Variants in NME4 observed in about 807,000 individuals in gnomAD.
NME4 encodes the protein nucleoside diphosphate kinase D, mitochondrial.
A neutral mutation model predicts 16.4 loss-of-function variants in NME4; 21 were observed. The ratio of observed to expected loss-of-function variants is 1.28; its 90% CI spans 0.91 to 1.84. The LOEUF (loss-of-function observed/expected upper bound fraction) is 1.84. Among genes scored for constraint, NME4 ranks in the 40% most tolerant of loss-of-function variants. The pLI is 0.00. For missense variants in NME4, 316 were observed against 261.3 expected (o/e 1.21, Z -1.44); for synonymous variants, 132 against 107.5 (o/e 1.23, Z -1.41).
At position 397,348 on chromosome 16, in the gene NME4, A is replaced by C. The variant is rs7189866; in HGVS notation, c.91+35A>C. On this transcript the variant is annotated intron_variant, in intron 1 of 4. Coordinates refer to ENST00000219479, the MANE Select transcript of NME4 (RefSeq NM_005009.3). ...GCCGCGCGCCCCGGCGGGGACGCGG[A>C]GGGGAGGAAGGGGCGCGCGCCGCTC... 33 of 884,596 alleles carry C rather than the reference A, an allele frequency of 3.7e-5. No individual in the cohort carries two copies. The South Asian group carries it at 4.3e-4, about 11-fold the overall frequency. 54.8% of individuals were successfully genotyped at this position (884,596 alleles called of 1,614,324 possible).
chr16:400,448 C>G lies in NME4; in HGVS notation c.*106C>G. 7.1e-7 allele frequency: 1 copy of G among 1,407,596 alleles called. No individual in the cohort carries two copies. Among genetic ancestry groups the G allele is most frequent in the South Asian group, 1.4e-5 (1 of 71,956 alleles). The allele number at this position is 1,407,596 out of a possible 1,614,324, so 87.2% of individuals were successfully genotyped here. The stretch of plus-strand genomic sequence containing the variant: ...CCTGCCTGTCCCAAACCACTTACTT[C>G]CCTGTTCACCTCTGCCCCACCCCAG... On this transcript the variant is annotated 3_prime_UTR_variant, in exon 5 of 5. Transcript: ENST00000219479.
intron 1 of NME4, chr16:398,524 T>C (rs913624266): frequency 1.1e-4 from 81 of 723,260 alleles, no homozygotes; most frequent in Admixed American, 9.3e-4. Flanking sequence ...GAGTCAAAAG[T>C]GAGGCTGGAG....
Position 399,214 on chromosome 16 carries a change from G to T in NME4, c.225+91G>T, listed in dbSNP as rs1017536358. 10 of 1,555,502 alleles carry T rather than the reference G, an allele frequency of 6.4e-6. No homozygotes were observed. The African/African-American group carries it at 1.4e-4, about 21-fold the overall frequency. ...TCACATCCCAGCCAGCGCCGGGGCA[G>T]GGCCTGGCTTTGGCAGTTGAAGGGG... On this transcript the variant is annotated intron_variant, in intron 2 of 4. Coordinates refer to ENST00000219479, the MANE Select transcript of NME4 (RefSeq NM_005009.3).
At chr16:398,837 G>T in intron 1 of NME4, 153 bp from the exon 2 acceptor site, 1 of 993,912 alleles carries the variant, frequency 1.0e-6, no homozygotes, top group Non-Finnish European at 1.5e-6. Context: ...GGGTGTTTGT[G>T]GCTGTGGGCA....
chr16:400,359 AC>A lies in NME4; in HGVS notation c.*19del. The A allele has an allele frequency of 6.3e-7, 1 of 1,594,678 alleles. No homozygotes were observed. Among genetic ancestry groups the A allele is most frequent in the African/African-American group, 1.3e-5 (1 of 74,148 alleles). On this transcript the variant is annotated 3_prime_UTR_variant, in exon 5 of 5. Coordinates refer to ENST00000219479, the MANE Select transcript of NME4 (RefSeq NM_005009.3). ...CCAGCCTGAGGCTCAAGCTGCCCTT[AC>A]CACCCCATCCCCCACGCAGGACCAA...
intron 1 of NME4, chr16:398,418 C>G (rs2054593561): frequency 8.2e-7 from 1 of 1,212,708 alleles, no homozygotes; most frequent in South Asian, 1.4e-5. Context: ...TGGTTCCCTG[C>G]CACTCATTCA....
chr16:399,309 G>C (rs771415110), intron 2 of NME4, 70 bp from the exon 3 acceptor site: 3 of 1,495,806 alleles, frequency 2.0e-6, no homozygotes, highest in Non-Finnish European at 2.8e-6. Context: ...CTGAGGTCAG[G>C]GCATCACAGC....
At chr16:397,377 C>A in intron 1 of NME4, 64 bp downstream of exon 1, 3 of 634,832 alleles carry the variant, frequency 4.7e-6, no homozygotes, top group Non-Finnish European at 6.0e-6. Context: ...GCCGCTCGGC[C>A]TTTGTGCGCG....
chr16:399,192 C>T, intron 2 of NME4, 69 bp downstream of exon 2: 1 of 1,588,510 alleles, frequency 6.3e-7, no homozygotes, highest in Non-Finnish European at 8.6e-7. Context: ...CGGCCTTTCA[C>T]ATCCCAGCCA....
rs1446712521 is a variant in NME4 at position 400,382 on chromosome 16, C to G, written c.*40C>G. On this transcript the variant is annotated 3_prime_UTR_variant, in exon 5 of 5. Coordinates refer to ENST00000219479, the MANE Select transcript of NME4 (RefSeq NM_005009.3). ...TTACCACCCCATCCCCCACGCAGGA[C>G]CAACTACCTCCGTCAGCAAGAACCC... 2 of 1,574,384 alleles carry G rather than the reference C, an allele frequency of 1.3e-6. No homozygotes were observed. The highest frequency in any genetic ancestry group is 2.7e-5 in the African/African-American group (2 of 72,848).
At chr16:399,556 A>G (rs1300380724) in intron 3 of NME4, 71 bp from the exon 4 acceptor site, 2 of 1,589,052 alleles carry the variant, frequency 1.3e-6, no homozygotes, top group Non-Finnish European at 1.7e-6. Context: ...CAGCAAAGGG[A>G]GGGGCCCTGG....
chr16:399,634 A>C lies in NME4; in HGVS notation c.335A>C (p.Glu112Ala). 6.2e-7 allele frequency: 1 copy of C among 1,613,118 alleles called. No homozygotes were observed. The highest frequency in any genetic ancestry group is 8.5e-7 in the Non-Finnish European group (1 of 1,179,866). ...CATTATCTCTCGCTGCAGGTCTGGG[A>C]AGGGTACAATGTCGTCCGCGCCTCG... is the stretch of plus-strand genomic sequence containing the variant. ...SSGPVVAMVW[E>A]GYNVVRASRA... The change falls in exon 4 of 5, where the codon GAA (glutamate) becomes GCA (alanine). Residue 112 changes from glutamate (E) to alanine (A), a missense_variant. Physicochemically the swap from Glu to Ala is moderately radical, Grantham distance 107. Coordinates refer to ENST00000219479, the MANE Select transcript of NME4 (RefSeq NM_005009.3).
chr16:397,924 C>A (rs1312015994), intron 1 of NME4: 1 of 1,550,348 alleles, frequency 6.5e-7, no homozygotes, highest in Non-Finnish European at 8.7e-7. Context: ...CCTGCAATGC[C>A]CGCACCAGCC....
rs1003128033 is a variant in NME4, at chr16:397,989, A to C, written c.91+676A>C. The C allele has an allele frequency of 2.9e-4, 445 of 1,543,022 alleles. 2 individuals are homozygous for C. The highest frequency in any genetic ancestry group is 2.3e-3 in the Middle Eastern group (14 of 5,980). ...CCTGCAAACTGGGTTTTGGGGGAAC[A>C]AACCAACCAGGGGGTCTTCCTCCCG... On this transcript the variant is annotated intron_variant, in intron 1 of 4. Coordinates refer to ENST00000219479, the MANE Select transcript of NME4 (RefSeq NM_005009.3).
chr16:398,079 T>C, intron 1 of NME4: 1 of 1,530,178 alleles, frequency 6.5e-7, no homozygotes, highest in Non-Finnish European at 8.8e-7. Flanking sequence ...TTTGGCTCTG[T>C]CCAGATTCTG....
intron 1 of NME4, chr16:397,898 G>C: frequency 6.4e-7 from 1 of 1,553,966 alleles, no homozygotes; most frequent in Non-Finnish European, 8.7e-7. Context: ...CATCGGCTCT[G>C]AAAAGTGAGC....
In NME4 at chr16:400,624, G is replaced by A. The variant is rs914568142; in HGVS notation, c.*282G>A. ...TCATAACCTCTCCTCTAAAGGGGAG[G>A]CATTAAAATTCACTGTGCCCAGCAC... On this transcript the variant is annotated 3_prime_UTR_variant, in exon 5 of 5. Transcript: ENST00000219479. 1.3e-5 allele frequency: 5 copies of A among 392,516 alleles called. No homozygotes were observed. The highest frequency in any genetic ancestry group is 4.3e-5 in the Admixed American group (1 of 23,478). 24.3% of individuals were successfully genotyped at this position (392,516 alleles called of 1,614,324 possible).
intron 1 of NME4, chr16:398,206 A>G (rs1314264788): frequency 6.8e-7 from 1 of 1,469,932 alleles, no homozygotes; most frequent in Non-Finnish European, 9.1e-7. Context: ...TTTCCCTGGC[A>G]GCGTCCCCTC....
chr16:398,715 G>A lies in NME4; in HGVS notation c.92-275G>A, dbSNP rs79594396. The A allele has an allele frequency of 1.7e-3, 907 of 532,358 alleles. 4 individuals are homozygous for A. Among genetic ancestry groups the A allele is most frequent in the African/African-American group, 0.015 (769 of 52,498 alleles). 33.0% of individuals were successfully genotyped at this position (532,358 alleles called of 1,614,324 possible). On this transcript the variant is annotated intron_variant, in intron 1 of 4. Transcript: ENST00000219479. ...GCTGGGCAGTGCCTCCCTGAACCTCGGGGCGATCTCAGGCAGCCTCTGCCT... is the reference window on the plus strand; with the variant it reads ...GCTGGGCAGTGCCTCCCTGAACCTCAGGGCGATCTCAGGCAGCCTCTGCCT...
Sources: gnomAD v4.1 joint callset for allele counts on GRCh38, gnomAD v4.1.1 for gene constraint, MANE v1.5 for transcripts, NCBI Gene and HGNC (gene_info 2026-07-23, HGNC 2026-07-21) for gene names.